MAP1LC3A: variants seen among roughly 807,000 people sequenced by gnomAD.
MAP1LC3A encodes microtubule-associated protein 1 light chain 3 alpha.
MAP1LC3A carries 10 observed loss-of-function variants against 15.2 expected under a neutral mutation model. That is an observed-to-expected ratio of 0.66 (90% confidence interval 0.41 to 1.12). The LOEUF (loss-of-function observed/expected upper bound fraction) is 1.12. Among genes scored for constraint, MAP1LC3A ranks in the 50% most tolerant of loss-of-function variants. The pLI is 0.00. For missense variants in MAP1LC3A, 138 were observed against 167.3 expected, an observed-to-expected ratio of 0.82 and a Z score of 0.97; for synonymous variants, 63 against 64.3, an observed-to-expected ratio of 0.98 and a Z score of 0.10.
Position 34,552,194 on chromosome 20 carries a change from C to T in MAP1LC3A, c.52+2165C>T, listed in dbSNP as rs183500181. On this transcript the variant is annotated intron_variant, in intron 2 of 4. Coordinates refer to the MAP1LC3A transcript ENST00000374837. ...TGTATTTTTAGTAGAGACGGGGTTT[C>T]GCCAGGTTGGCCACGCTGGTCTCAA... Among the ~76,000 whole-genome samples the T allele has an allele frequency of 1.4e-3, 218 of 152,270 alleles. 1 individual carries two copies. The highest frequency in any genetic ancestry group is 2.4e-3 in the Non-Finnish European group (164 of 68,024).
chr20:34,550,276 C>T (rs1245991195), intron 2 of MAP1LC3A, among the ~76,000 whole-genome samples: 2 of 152,184 alleles, frequency 1.3e-5, no homozygotes, highest in Non-Finnish European at 2.9e-5. Context: ...TGAGCAGAAA[C>T]GACTCCCCCA....
chr20:34,549,935 C>T lies in MAP1LC3A; in HGVS notation c.-43C>T, dbSNP rs764467716. On this transcript the variant is annotated 5_prime_UTR_variant, in exon 2 of 5. Coordinates refer to the MAP1LC3A transcript ENST00000374837. ...CATGGCTTCCGAGTTGCTGACTGAC[C>T]CTCCACCTCAGAGGTAGTTCTGACA... The T allele has an allele frequency of 2.5e-6, 4 of 1,592,178 alleles. No homozygotes were observed. The African/African-American group carries it at 5.4e-5, about 21-fold the overall frequency.
chr20:34,559,201 T>C lies in MAP1LC3A; in HGVS notation c.41-7T>C. On this transcript the variant is annotated splice_region_variant and splice_polypyrimidine_tract_variant and intron_variant, in intron 1 of 3. Transcript: ENST00000360668. ...ACCCGGCCTCACGGTCTGGCCGCTG[T>C]CCGCAGCCGACCGCTGTAAGGAGGT... is the stretch of plus-strand genomic sequence containing the variant. The C allele has an allele frequency of 6.3e-7, 1 of 1,587,730 alleles. No homozygotes were observed. Among genetic ancestry groups the C allele is most frequent in the East Asian group, 2.3e-5 (1 of 42,708 alleles).
At position 34,559,433 on chromosome 20, in the gene MAP1LC3A, C is replaced by T. The variant is rs1235168207; in HGVS notation, c.183C>T (p.Ser61=). The stretch of plus-strand genomic sequence containing the variant: ...TGGTCCCGGACCATGTCAACATGAG[C>T]GAGTTGGTCAAGATCATCCGGTGCG... ...KFLVPDHVNM[S]ELVKIIRRRL... The change falls in exon 3 of 4, where the codon AGC becomes AGT. Residue 61 remains serine (S), a synonymous_variant. Transcript: ENST00000360668. 2 of 1,612,910 alleles carry T rather than the reference C, an allele frequency of 1.2e-6. No homozygotes were observed. The highest frequency in any genetic ancestry group is 1.7e-6 in the Non-Finnish European group (2 of 1,179,592).
chr20:34,556,088 T>C (rs1256687919), upstream of MAP1LC3A, among the ~76,000 whole-genome samples: 1 of 150,732 alleles, frequency 6.6e-6, no homozygotes, highest in Non-Finnish European at 1.5e-5. Flanking sequence ...GTGATCCGCC[T>C]GCCTTGGCCT....
At chr20:34,552,687 G>A (rs926761725) in intron 2 of MAP1LC3A, among the ~76,000 whole-genome samples, 1 of 152,250 alleles carries the variant, frequency 6.6e-6, no homozygotes, top group Admixed American at 6.5e-5. Flanking sequence ...AGGAGGCAAG[G>A]CCAGGGCAGG....
At chr20:34,549,527 G>A (rs1981866351) in intron 1 of MAP1LC3A, among the ~76,000 whole-genome samples, 1 of 152,198 alleles carries the variant, frequency 6.6e-6, no homozygotes, top group Non-Finnish European at 1.5e-5. Context: ...ACCAGCCGGT[G>A]GTAGAAGAAA....
exon 2 of MAP1LC3A, chr20:34,549,905 G>A: frequency 7.4e-7 from 1 of 1,348,404 alleles, no homozygotes; most frequent in Non-Finnish European, 1.1e-6. Context: ...TTTCCCCCAG[G>A]ACTCCATGGC....
chr20:34,552,344 AC>A (rs1981979328), intron 2 of MAP1LC3A, among the ~76,000 whole-genome samples: 1 of 152,246 alleles, frequency 6.6e-6, no homozygotes, highest in Admixed American at 6.5e-5. Flanking sequence ...AAGAGGGACC[AC>A]TACCATTATT....
At chr20:34,555,653 A>ATT (rs35387399), upstream of MAP1LC3A, among the ~76,000 whole-genome samples, 5 of 144,446 alleles carry the variant, frequency 3.5e-5, no homozygotes, top group Admixed American at 6.9e-5. Flanking sequence ...TATAAATCTG[A>ATT]TTTTTTTTTT....
At chr20:34,554,349 G>A (rs1232098240), upstream of MAP1LC3A, among the ~76,000 whole-genome samples, 5 of 127,856 alleles carry the variant, frequency 3.9e-5, no homozygotes, top group Non-Finnish European at 6.5e-5. Context: ...TTTACTATAC[G>A]TTGGGTTTTT....
intron 2 of MAP1LC3A, among the ~76,000 whole-genome samples, chr20:34,553,710 G>T (rs1982033748): frequency 6.6e-6 from 1 of 152,128 alleles, no homozygotes; most frequent in African/African-American, 2.4e-5. Context: ...TCTCATTTAG[G>T]CTGTCTAAGG....
chr20:34,552,968 C>G (rs779636921), intron 2 of MAP1LC3A, among the ~76,000 whole-genome samples: 1 of 152,144 alleles, frequency 6.6e-6, no homozygotes, highest in African/African-American at 2.4e-5. Flanking sequence ...GCAGGTGGAT[C>G]GCCTGAGGCC....
At position 34,559,398 on chromosome 20, in the gene MAP1LC3A, A is replaced by C; in HGVS notation, c.148A>C (p.Thr50Pro). The C allele has an allele frequency of 6.2e-7, 1 of 1,613,104 alleles. No homozygotes were observed. The highest frequency in any genetic ancestry group is 8.5e-7 in the Non-Finnish European group (1 of 1,179,664). ...GAAGCAGCTGCCCGTCCTGGACAAG[A>C]CCAAGTTTTTGGTCCCGGACCATGT... is the stretch of plus-strand genomic sequence containing the variant. Reference protein sequence around the residue: ...GEKQLPVLDKTKFLVPDHVNM... With the variant: ...GEKQLPVLDKPKFLVPDHVNM... Residue 50 changes from threonine to proline, a missense_variant, in exon 3 of 4, where the codon ACC (threonine) becomes CCC (proline). Transcript: ENST00000360668.
chr20:34,558,548 A>G (rs1324488136), upstream of MAP1LC3A: 3 of 1,141,462 alleles, frequency 2.6e-6, no homozygotes, highest in South Asian at 4.1e-5. The surrounding 1 kb of genome is among the most constrained non-coding windows in gnomAD (Gnocchi z 4.3). Context: ...GCTGCCCATG[A>G]CGTCACGGGA....
chr20:34,558,049 C>G, upstream of MAP1LC3A: 4 of 985,032 alleles, frequency 4.1e-6, no homozygotes, highest in Non-Finnish European at 4.8e-6. This position sits in a 1 kb window ranked among gnomAD's most constrained non-coding sequence, Gnocchi z 4.3. Flanking sequence ...GTGTTCGCCT[C>G]TGGAGCTCTG....
upstream of MAP1LC3A, among the ~76,000 whole-genome samples, chr20:34,555,222 T>C (rs563468773): frequency 1.7e-4 from 26 of 151,856 alleles, no homozygotes; most frequent in African/African-American, 6.0e-4. Context: ...CTTGGCTCAC[T>C]GAAACCTCTG....
chr20:34,552,837 C>T (rs571981010), intron 2 of MAP1LC3A, among the ~76,000 whole-genome samples: 1 of 152,250 alleles, frequency 6.6e-6, no homozygotes, highest in South Asian at 2.1e-4. Flanking sequence ...TGAGGATGGA[C>T]TGGGTGTGGA....
chr20:34,548,284 C>A (rs888852269), intron 1 of MAP1LC3A, among the ~76,000 whole-genome samples: 1 of 152,344 alleles, frequency 6.6e-6, no homozygotes, highest in South Asian at 2.1e-4. Flanking sequence ...TTGTACGTCA[C>A]TCATAGTGGA....
Sources: allele counts gnomAD v4.1 joint callset (sites outside exome capture counted in the v4.1 genomes callset), GRCh38; gene constraint gnomAD v4.1.1; non-coding constraint Gnocchi (gnomAD v3.1); transcripts MANE v1.5; gene names NCBI Gene and HGNC (gene_info 2026-07-23, HGNC 2026-07-21).